The following BLTP3A variants were observed in gnomAD, a reference collection of about 807,000 sequenced individuals.
BLTP3A encodes the protein ICBP90 binding protein 1.
chr6:34,842,313 T>TATATA, the BLTP3A span, among the ~76,000 whole-genome samples: 4 of 152,306 alleles, frequency 2.6e-5, no homozygotes, highest in African/African-American at 9.6e-5. Context: ...CCATTTACAA[T>TATATA]ATATAACTCA....
the BLTP3A span, among the ~76,000 whole-genome samples, chr6:34,804,735 A>G: frequency 6.6e-6 from 1 of 152,138 alleles, no homozygotes; most frequent in Non-Finnish European, 1.5e-5. Context: ...TTCAGTTGCT[A>G]CTGCCTTTGA....
the BLTP3A span, among the ~76,000 whole-genome samples, chr6:34,815,044 C>T: frequency 2.0e-5 from 3 of 152,198 alleles, no homozygotes; most frequent in African/African-American, 7.2e-5. Context: ...ATCCGAACCT[C>T]ATGCTCTTCC....
chr6:34,831,444 T>A, the BLTP3A span, among the ~76,000 whole-genome samples: 66,526 of 151,966 alleles, frequency 0.44, 16,376 homozygotes, highest in African/African-American at 0.67. Flanking sequence ...TAATTTTTTT[T>A]AAATTATTGA....
the BLTP3A span, chr6:34,859,018 C>A: frequency 6.2e-7 from 1 of 1,614,166 alleles, no homozygotes; most frequent in Non-Finnish European, 8.5e-7. Context: ...GCATCCTGCA[C>A]CCGGTGCTGT....
At chr6:34,872,431 A>G in the BLTP3A span, 2 of 1,608,586 alleles carry the variant, frequency 1.2e-6, no homozygotes, top group Non-Finnish European at 1.7e-6. Flanking sequence ...CCCTTCTTTG[A>G]GCTCTGAAAC....
the BLTP3A span, chr6:34,864,098 A>G: frequency 4.6e-5 from 74 of 1,613,970 alleles, no homozygotes; most frequent in Non-Finnish European, 5.6e-5. Context: ...CGGTATCTCA[A>G]CAGTCATTTG....
At chr6:34,857,704 T>C in the BLTP3A span, 1 of 1,606,686 alleles carries the variant, frequency 6.2e-7, no homozygotes, top group Admixed American at 1.7e-5. Flanking sequence ...GATGTTTCTT[T>C]TCTTCCCTCT....
the BLTP3A span, among the ~76,000 whole-genome samples, chr6:34,829,377 C>T: frequency 2.6e-5 from 4 of 152,120 alleles, no homozygotes; most frequent in African/African-American, 9.7e-5. Context: ...TTTCACTTAG[C>T]ATAATGTTTT....
chr6:34,852,994 A>G, the BLTP3A span, among the ~76,000 whole-genome samples: 1 of 152,146 alleles, frequency 6.6e-6, no homozygotes, highest in East Asian at 1.9e-4. Flanking sequence ...CTCTCCCCCA[A>G]GCACACGGAT....
chr6:34,866,604 C>G, the BLTP3A span, among the ~76,000 whole-genome samples: 1 of 152,036 alleles, frequency 6.6e-6, no homozygotes, highest in African/African-American at 2.4e-5. Flanking sequence ...ATTTGCCATC[C>G]TAACCGTTTT....
the BLTP3A span, among the ~76,000 whole-genome samples, chr6:34,814,056 G>T: frequency 1.3e-5 from 2 of 149,534 alleles, no homozygotes; most frequent in African/African-American, 4.9e-5. Flanking sequence ...TCGCTATGTC[G>T]CCCAGGCTGG....
the BLTP3A span, chr6:34,858,236 G>T: frequency 6.2e-7 from 1 of 1,614,184 alleles, no homozygotes; most frequent in African/African-American, 1.3e-5. Context: ...CCACATTGTA[G>T]TTGTTCAGAC....
the BLTP3A span, among the ~76,000 whole-genome samples, chr6:34,839,172 C>T: frequency 6.6e-6 from 1 of 152,112 alleles, no homozygotes; most frequent in Admixed American, 6.5e-5. Flanking sequence ...ATTGCTTGAA[C>T]CCGGGAGGCG....
At chr6:34,833,159 C>T in the BLTP3A span, among the ~76,000 whole-genome samples, 5 of 152,092 alleles carry the variant, frequency 3.3e-5, no homozygotes, top group South Asian at 1.0e-3. Flanking sequence ...CAACCAAATG[C>T]AGATCAAAAT....
the BLTP3A span, among the ~76,000 whole-genome samples, chr6:34,823,813 G>A: frequency 6.6e-6 from 1 of 151,788 alleles, no homozygotes. Context: ...TGGGATTACG[G>A]ATGTGAACCA....
the BLTP3A span, among the ~76,000 whole-genome samples, chr6:34,826,251 A>C: frequency 1.3e-5 from 2 of 151,498 alleles, no homozygotes; most frequent in Non-Finnish European, 2.9e-5. Flanking sequence ...CGAATTCCTG[A>C]CTTCAAATGA....
At chr6:34,815,779 A>T in the BLTP3A span, among the ~76,000 whole-genome samples, 1 of 151,926 alleles carries the variant, frequency 6.6e-6, no homozygotes, top group African/African-American at 2.4e-5. Flanking sequence ...AGTAGCTGGG[A>T]TTACAGGCAT....
the BLTP3A span, among the ~76,000 whole-genome samples, chr6:34,830,933 C>T: frequency 6.5e-4 from 99 of 152,014 alleles, no homozygotes; most frequent in African/African-American, 2.3e-3. Flanking sequence ...ATTTTTCTGA[C>T]GATTGGTTTA....
At chr6:34,855,687 C>A in the BLTP3A span, 1 of 1,613,646 alleles carries the variant, frequency 6.2e-7, no homozygotes, top group Non-Finnish European at 8.5e-7. Flanking sequence ...TTGACTATTA[C>A]CCTTTCCATT....
Sources: gnomAD v4.1 joint callset for allele counts (sites outside exome capture counted in the v4.1 genomes callset) on GRCh38, gnomAD v4.1.1 for gene constraint, MANE v1.5 for transcripts, NCBI Gene and HGNC (gene_info 2026-07-23, HGNC 2026-07-21) for gene names.